Variants in CUBN observed in about 807,000 individuals in gnomAD.
CUBN encodes the protein cubilin.
A neutral mutation model predicts 405.3 loss-of-function variants in CUBN; 282 were observed. The observed-to-expected ratio is 0.70, with a 90% CI of 0.63 to 0.77. The LOEUF is 0.77. Ranked by LOEUF, CUBN falls within the 30% of genes least tolerant of loss-of-function variation. The probability of loss-of-function intolerance (pLI) is 0.00; values close to 1 mark genes in which losing one functional copy is unlikely to be tolerated. For synonymous variants in CUBN, 1,684 were observed against 1,617.0 expected (o/e 1.04, Z -0.99); for missense variants, 4,514 against 4,475.2 (o/e 1.01, Z -0.25).
intron 43 of CUBN, 54 bp downstream of exon 43, chr10:16,925,187 G>A (rs1842147014): frequency 6.8e-7 from 1 of 1,467,790 alleles, no homozygotes; most frequent in African/African-American, 1.4e-5. Flanking sequence ...TTATATCAAA[G>A]AAGATCAAGC....
intron 22 of CUBN, among the ~76,000 whole-genome samples, chr10:17,062,733 G>A (rs570873262): frequency 3.3e-5 from 5 of 152,236 alleles, no homozygotes; most frequent in South Asian, 2.1e-4. Context: ...ACTCAAATCC[G>A]GAAACTTAAC....
chr10:16,936,302 AT>A (rs768773110), intron 39 of CUBN, among the ~76,000 whole-genome samples: 1 of 152,234 alleles, frequency 6.6e-6, no homozygotes, highest in Non-Finnish European at 1.5e-5. Flanking sequence ...ATCCATCCAG[AT>A]TTAAATGTTG....
Position 16,933,132 on chromosome 10 carries a change from C to T in CUBN, c.6079G>A (p.Glu2027Lys), listed in dbSNP as rs1267315865. Residue 2027 changes from glutamate to lysine, a missense_variant, in exon 40 of 67, where the codon GAA becomes AAA. By Grantham distance (56) the Glu-to-Lys change is moderately conservative (BLOSUM62 1). This residue lies in a region of CUBN where 1,613 missense variants were observed against 1,542.8 expected (regional missense o/e 1.05). Coordinates refer to ENST00000377833, the MANE Select transcript of CUBN (RefSeq NM_001081.4). ...TCATAGGCACACGTTCGGTGAGATTCAATGTCCAGGGAAAGAATGTTGAGT... is the reference window on the plus strand; with the variant it reads ...TCATAGGCACACGTTCGGTGAGATTTAATGTCCAGGGAAAGAATGTTGAGT... ...VELNILSLDI[E>K]SHRTCAYDSL... is the part of the protein sequence containing the mutation. 1.9e-6 allele frequency: 3 copies of T among 1,613,924 alleles called. No individual in the cohort carries two copies. Among genetic ancestry groups the T allele is most frequent in the African/African-American group, 1.3e-5 (1 of 74,878 alleles).
Position 16,984,269 on chromosome 10 carries a change from C to T in CUBN, c.4361G>A (p.Gly1454Asp), listed in dbSNP as rs774470560. 6.2e-7 allele frequency: 1 copy of T among 1,613,942 alleles called. No individual in the cohort carries two copies. The highest frequency in any genetic ancestry group is 8.5e-7 in the Non-Finnish European group (1 of 1,179,928). The stretch of plus-strand genomic sequence containing the variant: ...TATTCTGGGAGAGTGGAAATCGGGG[C>T]CTCCATAGATCTAACATGGGATGTA... ...CNFDVLEIYG[G>D]PDFHSPRIAQ... is the part of the protein sequence containing the mutation. Residue 1454 changes from glycine (G) to aspartate (D), a missense_variant, in exon 30 of 67, where the codon GGC becomes GAC. Physicochemically the swap from Gly to Asp is moderately conservative, Grantham distance 94. Transcript: ENST00000377833.
intron 28 of CUBN, among the ~76,000 whole-genome samples, chr10:17,009,624 C>A (rs1028465246): frequency 6.6e-6 from 1 of 152,048 alleles, no homozygotes; most frequent in Admixed American, 6.5e-5. Context: ...CCTGACTGTA[C>A]GGATGAATCA....
intron 28 of CUBN, among the ~76,000 whole-genome samples, chr10:16,997,163 C>T (rs1588563632): frequency 1.3e-5 from 2 of 152,270 alleles, no homozygotes; most frequent in South Asian, 2.1e-4. Context: ...GGGCTGGGCG[C>T]AGTGGCTCAT....
chr10:17,022,589 C>T (rs993427956), intron 27 of CUBN, among the ~76,000 whole-genome samples: 2 of 152,152 alleles, frequency 1.3e-5, no homozygotes, highest in African/African-American at 4.8e-5. Context: ...TCAGTCCCAC[C>T]CTCTCCTGCA....
At chr10:16,942,885 G>T (rs1198341158) in intron 36 of CUBN, among the ~76,000 whole-genome samples, 1 of 143,424 alleles carries the variant, frequency 7.0e-6, no homozygotes, top group Non-Finnish European at 1.5e-5. Flanking sequence ...GAAGGGAGGG[G>T]AACGGAAGGC....
chr10:16,939,264 C>A, intron 37 of CUBN, 117 bp from the exon 38 acceptor site: 1 of 822,934 alleles, frequency 1.2e-6, no homozygotes, highest in Non-Finnish European at 2.0e-6. Context: ...ACTGTGATTT[C>A]TTTTCTGACT....
In CUBN at chr10:17,110,940, G is replaced by A; in HGVS notation, c.994C>T (p.His332Tyr). 6.2e-7 allele frequency: 1 copy of A among 1,614,182 alleles called. No individual in the cohort carries two copies. Among genetic ancestry groups the A allele is most frequent in the Non-Finnish European group, 8.5e-7 (1 of 1,180,030 alleles). ...VECVNTPGSSHCQACPPGYQG... is the reference protein window; with the variant it reads ...VECVNTPGSSYCQACPPGYQG... ...GCACCTGGTGGACAGGCCTGGCAGT[G>A]GGAAGACCCAGGTGTATTCACACAC... The change falls in exon 9 of 67, where the codon CAC becomes TAC. Residue 332 changes from histidine to tyrosine, a missense_variant. His to Tyr is a moderately conservative substitution (Grantham distance 83). This residue lies in a region of CUBN where 1,448 missense variants were observed against 1,388.0 expected (regional missense o/e 1.04). Coordinates refer to ENST00000377833, the MANE Select transcript of CUBN (RefSeq NM_001081.4).
intron 10 of CUBN, among the ~76,000 whole-genome samples, chr10:17,107,494 CTTTTTT>C (rs34281338): frequency 1.1e-5 from 1 of 91,804 alleles, no homozygotes; most frequent in Non-Finnish European, 2.2e-5. Context: ...ATAAGTTGTT[CTTTTTT>C]TTTTTTTTTT....
chr10:17,013,051 G>T (rs1413258858), intron 28 of CUBN, among the ~76,000 whole-genome samples: 4 of 152,122 alleles, frequency 2.6e-5, no homozygotes, highest in Non-Finnish European at 5.9e-5. Flanking sequence ...ACAACAAGGT[G>T]GTATTGGAGT....
chr10:16,984,309 A>T (rs777266125), intron 29 of CUBN, 30 bp from the exon 30 acceptor site: 7 of 1,609,008 alleles, frequency 4.4e-6, no homozygotes, highest in South Asian at 1.1e-5. Flanking sequence ...AAAAGACTTT[A>T]AAAAATATTT....
chr10:16,932,015 T>C (rs1412937707), intron 40 of CUBN, among the ~76,000 whole-genome samples: 1 of 152,228 alleles, frequency 6.6e-6, no homozygotes, highest in Non-Finnish European at 1.5e-5. Flanking sequence ...CAGGAAGGCT[T>C]AGATGTGAAG....
intron 37 of CUBN, among the ~76,000 whole-genome samples, chr10:16,939,586 C>T (rs1184521407): frequency 6.6e-6 from 1 of 152,278 alleles, no homozygotes; most frequent in South Asian, 2.1e-4. Flanking sequence ...AAATATTTAA[C>T]ATTTTATACT....
intron 27 of CUBN, among the ~76,000 whole-genome samples, chr10:17,038,358 C>A (rs1018023729): frequency 6.6e-6 from 1 of 152,158 alleles, no homozygotes; most frequent in Non-Finnish European, 1.5e-5. Flanking sequence ...CATGTTTGCA[C>A]GGGCAAATGG....
intron 28 of CUBN, among the ~76,000 whole-genome samples, chr10:17,011,530 G>A (rs1011212502): frequency 2.0e-5 from 3 of 152,162 alleles, no homozygotes; most frequent in Non-Finnish European, 2.9e-5. Context: ...AACCCAGAGT[G>A]AGCAGCAGCA....
At chr10:16,954,910 A>G (rs928103331) in intron 31 of CUBN, among the ~76,000 whole-genome samples, 2 of 152,228 alleles carry the variant, frequency 1.3e-5, no homozygotes, top group African/African-American at 4.8e-5. Flanking sequence ...GAGAAAACAG[A>G]CGAGAAATAA....
At chr10:17,119,626 C>G (rs2015738) in intron 6 of CUBN, among the ~76,000 whole-genome samples, 48,091 of 151,838 alleles carry the variant, frequency 0.32, 8,014 homozygotes, top group Non-Finnish European at 0.35. Flanking sequence ...GCCTGGGTGA[C>G]AAGAGCAAGA....
Sources: gnomAD v4.1 joint callset for allele counts (sites outside exome capture counted in the v4.1 genomes callset) on GRCh38, gnomAD v4.1.1 for gene constraint, gnomAD v4.1.1 regional missense constraint, MANE v1.5 for transcripts, NCBI Gene and HGNC (gene_info 2026-07-23, HGNC 2026-07-21) for gene names.